The following EPS8 variants were observed in gnomAD, a reference collection of about 807,000 sequenced individuals.
EPS8 encodes EGFR pathway substrate 8, signaling adaptor.
EPS8 carries 42 observed loss-of-function variants against 103.8 expected under a neutral mutation model. The observed-to-expected ratio is 0.40, with a 90% CI of 0.32 to 0.52. The LOEUF is 0.52. Among genes scored for constraint, EPS8 ranks in the 20% least tolerant of loss-of-function variants. EPS8 has a pLI of 0.40. For synonymous variants in EPS8, 344 were observed against 344.6 expected, an observed-to-expected ratio of 1.00 and a Z score of 0.02; for missense variants, 969 against 1,005.1, an observed-to-expected ratio of 0.96 and a Z score of 0.49.
At chr12:15,715,367 G>A (rs1404396453) in intron 1 of EPS8, among the ~76,000 whole-genome samples, 1 of 145,984 alleles carries the variant, frequency 6.9e-6, no homozygotes, top group Admixed American at 7.0e-5. Context: ...TCCCAAGAGC[G>A]CTTTCTTTTT....
intron 1 of EPS8, among the ~76,000 whole-genome samples, chr12:15,689,218 G>A (rs1045803046): frequency 1.3e-5 from 2 of 151,680 alleles, no homozygotes; most frequent in African/African-American, 4.8e-5. Flanking sequence ...TTATTTGCTC[G>A]GATGTGCAAT....
chr12:15,766,147 C>T (rs1378825738), intron 1 of EPS8, among the ~76,000 whole-genome samples: 1 of 151,572 alleles, frequency 6.6e-6, no homozygotes, highest in Non-Finnish European at 1.5e-5. Flanking sequence ...AAATACTCTT[C>T]AGCAGTTTGT....
Position 15,780,556 on chromosome 12 carries a change from C to T in EPS8, c.-22+8605G>A, listed in dbSNP as rs1270788853. 1 of 146,130 alleles carries T rather than the reference C, an allele frequency of 6.8e-6. No individual in the cohort carries two copies. Among genetic ancestry groups the T allele is most frequent in the African/African-American group, 2.5e-5 (1 of 39,974 alleles). 9.1% of individuals were successfully genotyped at this position (146,130 alleles called of 1,614,324 possible). A position where few individuals can be genotyped will look rare whatever the true frequency, so the allele number is the denominator to read the frequency against. Reference sequence around the variant, plus strand: ...GGCATACACACTTTTCATTTAACATCCTCCATGGATAATAGTACCTACTTG... The same window carrying T: ...GGCATACACACTTTTCATTTAACATTCTCCATGGATAATAGTACCTACTTG... On this transcript the variant is annotated intron_variant, in intron 1 of 20. Coordinates refer to ENST00000281172, the MANE Select transcript of EPS8 (RefSeq NM_004447.6). This position sits in a 1 kb window ranked among gnomAD's most constrained non-coding sequence, Gnocchi z 4.1.
At position 15,697,520 on chromosome 12, in the gene EPS8, C is replaced by T. The variant is rs1222510605; in HGVS notation, c.-21-14548G>A. ...AGGAACAATTACCATTCCCACTTTA[C>T]AGATGAATAAGCTAGGTACAGAGTT... On this transcript the variant is annotated intron_variant, in intron 1 of 20. Transcript: ENST00000281172. The surrounding 1 kb of genome is among the most constrained non-coding windows in gnomAD (Gnocchi z 5.6). Among the ~76,000 whole-genome samples the T allele has an allele frequency of 2.6e-5, 4 of 152,196 alleles. No homozygotes were observed. Among genetic ancestry groups the T allele is most frequent in the Non-Finnish European group, 4.4e-5 (3 of 68,038 alleles).
At chr12:15,719,108 C>A (rs112510868) in intron 1 of EPS8, among the ~76,000 whole-genome samples, 1 of 151,846 alleles carries the variant, frequency 6.6e-6, no homozygotes, top group Admixed American at 6.6e-5. Context: ...GTCCTCTTAT[C>A]AAAAAATCAG....
chr12:15,763,906 C>T (rs1392325411), intron 1 of EPS8, among the ~76,000 whole-genome samples: 1 of 152,152 alleles, frequency 6.6e-6, no homozygotes. Context: ...AGATTTCTTG[C>T]TATTATGAAA....
rs1316183999 is a variant in EPS8, at chr12:15,702,070, A to G, written c.-21-19098T>C. Among the ~76,000 whole-genome samples, 1 of 152,260 alleles carries G rather than the reference A, an allele frequency of 6.6e-6. No homozygotes were observed. The highest frequency in any genetic ancestry group is 1.5e-5 in the Non-Finnish European group (1 of 68,040). ...GAAATTCTTAAGTAGTTTGTGAGTC[A>G]GGCTAAGCACCATGAGATAAACCAC... On this transcript the variant is annotated intron_variant, in intron 1 of 20. Transcript: ENST00000281172. The surrounding 1 kb of genome is among the most constrained non-coding windows in gnomAD (Gnocchi z 5.1).
At chr12:15,657,021 A>C (rs1945518952) in intron 12 of EPS8, among the ~76,000 whole-genome samples, 1 of 152,124 alleles carries the variant, frequency 6.6e-6, no homozygotes, top group Admixed American at 6.6e-5. Context: ...AAATTTCTAA[A>C]CATTATAGCC....
chr12:15,773,210 T>C (rs956009708), intron 1 of EPS8, among the ~76,000 whole-genome samples: 1 of 152,118 alleles, frequency 6.6e-6, no homozygotes, highest in South Asian at 2.1e-4. Context: ...CACTTGGACA[T>C]AGGTACATAT....
rs1946599320 is a variant in EPS8, at chr12:15,721,849, C to T, written c.-21-38877G>A. ...TTATTTCTGATCATAAAAGTAAATC[C>T]ATGGCAGAAAGTTAGAACATACAAA... On this transcript the variant is annotated intron_variant, in intron 1 of 20. Coordinates refer to ENST00000281172, the MANE Select transcript of EPS8 (RefSeq NM_004447.6). This position sits in a 1 kb window ranked among gnomAD's most constrained non-coding sequence, Gnocchi z 4.4. Among the ~76,000 whole-genome samples, 1 of 151,240 alleles carries T rather than the reference C, an allele frequency of 6.6e-6. No homozygotes were observed. The highest frequency in any genetic ancestry group is 2.4e-5 in the African/African-American group (1 of 41,250).
At chr12:15,719,553 C>A (rs1362050279) in intron 1 of EPS8, among the ~76,000 whole-genome samples, 17 of 152,190 alleles carry the variant, frequency 1.1e-4, no homozygotes, top group Non-Finnish European at 1.5e-5. Context: ...TGATCTGAAG[C>A]TGAATGCCAC....
At chr12:15,715,392 T>TCC (rs1337540691) in intron 1 of EPS8, among the ~76,000 whole-genome samples, 15 of 50,618 alleles carry the variant, frequency 3.0e-4, no homozygotes, top group Non-Finnish European at 3.6e-4. Context: ...TTCTTTACTT[T>TCC]TCTTTTTTTT....
chr12:15,680,677 C>T (rs1423315637), intron 3 of EPS8, among the ~76,000 whole-genome samples: 1 of 152,054 alleles, frequency 6.6e-6, no homozygotes, highest in East Asian at 1.9e-4. Context: ...TTCAGGAGTC[C>T]TCGACTTCTT....
chr12:15,744,243 G>C (rs996430656), intron 1 of EPS8, among the ~76,000 whole-genome samples: 18 of 152,122 alleles, frequency 1.2e-4, no homozygotes, highest in African/African-American at 4.1e-4. Context: ...TTCTAGAGTG[G>C]AGCTCAACAA....
rs543854601 is a variant in EPS8, at chr12:15,706,731, TTA to T, written c.-21-23761_-21-23760del. Among the ~76,000 whole-genome samples, 1 of 152,206 alleles carries T rather than the reference TTA, an allele frequency of 6.6e-6. No homozygotes were observed. The highest frequency in any genetic ancestry group is 1.5e-5 in the Non-Finnish European group (1 of 68,034). ...ACTAGAATTTTCTGTTCTTTATATT[TTA>T]TGTTTTTTTTTACAACTTATCCAAA... On this transcript the variant is annotated intron_variant, in intron 1 of 20. Transcript: ENST00000281172. The surrounding 1 kb of genome is among the most constrained non-coding windows in gnomAD (Gnocchi z 5.2).
intron 1 of EPS8, among the ~76,000 whole-genome samples, chr12:15,763,260 A>G (rs1039044184): frequency 6.6e-6 from 1 of 152,148 alleles, no homozygotes; most frequent in Non-Finnish European, 1.5e-5. Context: ...CTTAATAGTG[A>G]TATCTGACTG....
intron 3 of EPS8, among the ~76,000 whole-genome samples, chr12:15,673,284 T>A (rs192344580): frequency 6.6e-5 from 10 of 152,206 alleles, no homozygotes; most frequent in Non-Finnish European, 1.5e-4. Context: ...CTTTTAAAGA[T>A]CCTAAAAATG....
chr12:15,719,890 T>A (rs1946575799), intron 1 of EPS8, among the ~76,000 whole-genome samples: 1 of 152,174 alleles, frequency 6.6e-6, no homozygotes. Context: ...AAAAACAGAT[T>A]AAACCAACTA....
chr12:15,719,149 G>T (rs1946566241), intron 1 of EPS8, among the ~76,000 whole-genome samples: 1 of 152,058 alleles, frequency 6.6e-6, no homozygotes, highest in Non-Finnish European at 1.5e-5. Flanking sequence ...TCCAAAGCAT[G>T]TACCTATTGA....
Sources: allele counts gnomAD v4.1 joint callset (sites outside exome capture counted in the v4.1 genomes callset), GRCh38; gene constraint gnomAD v4.1.1; non-coding constraint Gnocchi (gnomAD v3.1); transcripts MANE v1.5; gene names NCBI Gene and HGNC (gene_info 2026-07-23, HGNC 2026-07-21).